Variants in REL observed in about 807,000 individuals in gnomAD.
REL encodes REL proto-oncogene, NF-kB subunit.
Under a neutral mutation model 45.9 loss-of-function variants are expected in REL, and 15 were observed. The ratio of observed to expected loss-of-function variants is 0.33; its 90% CI spans 0.22 to 0.50. REL has a LOEUF of 0.50. Ranked by LOEUF, REL falls within the 20% of genes least tolerant of loss-of-function variation. REL has a pLI of 0.98. For synonymous variants in REL, 239 were observed against 242.1 expected, an observed-to-expected ratio of 0.99 and a Z score of 0.12; for missense variants, 601 against 715.2, an observed-to-expected ratio of 0.84 and a Z score of 1.82.
intron 7 of REL, among the ~76,000 whole-genome samples, chr2:60,919,248 T>C (rs749067554): frequency 4.9e-4 from 74 of 152,212 alleles, no homozygotes; most frequent in Non-Finnish European, 7.5e-4. Flanking sequence ...TTTTGGGTTT[T>C]TTTTGAGACA....
At chr2:60,918,817 G>C (rs1247717153) in intron 7 of REL, among the ~76,000 whole-genome samples, 2 of 152,104 alleles carry the variant, frequency 1.3e-5, no homozygotes, top group South Asian at 2.1e-4. Flanking sequence ...TTTTGAGACA[G>C]AGTCTCACTG....
chr2:60,900,764 C>T (rs1016630726), intron 3 of REL: 3 of 417,408 alleles, frequency 7.2e-6, no homozygotes, highest in Non-Finnish European at 8.5e-6. Flanking sequence ...CTCAGGTGAT[C>T]CACCTGCCTT....
In REL at chr2:60,920,565, T is replaced by C. The variant is rs1167373905; in HGVS notation, c.923-9T>C. The C allele has an allele frequency of 6.3e-7, 1 of 1,577,154 alleles. No individual in the cohort carries two copies. Among genetic ancestry groups the C allele is most frequent in the Non-Finnish European group, 8.7e-7 (1 of 1,149,066 alleles). ...GACATTTAATAATGGAAAAACTTTA[T>C]CCTAACAGTTAATTTTCCTGAGAGA... On this transcript the variant is annotated splice_polypyrimidine_tract_variant and intron_variant, in intron 8 of 9. Coordinates refer to ENST00000394479, the MANE Select transcript of REL (RefSeq NM_001291746.2).
At chr2:60,916,313 C>A (rs1265368470) in intron 4 of REL, among the ~76,000 whole-genome samples, 1 of 152,168 alleles carries the variant, frequency 6.6e-6, no homozygotes, top group Non-Finnish European at 1.5e-5. Flanking sequence ...ACTCAGGAGG[C>A]TGAGATGGGA....
intron 5 of REL, among the ~76,000 whole-genome samples, chr2:60,917,680 CTGTGTGTGTGTGTGTG>C (rs34038794): frequency 3.5e-5 from 5 of 142,254 alleles, no homozygotes; most frequent in Admixed American, 2.8e-4. Context: ...CCCCAAAATA[CTGTGTGTGTGTGTGTG>C]TGTGTGTGTG....
rs760460117 is a variant in REL, at chr2:60,922,379, T to G, written c.1608T>G (p.Ser536Arg). 1 of 1,614,148 alleles carries G rather than the reference T, an allele frequency of 6.2e-7. No homozygotes were observed. The highest frequency in any genetic ancestry group is 8.5e-7 in the Non-Finnish European group (1 of 1,180,010). The change falls in exon 10 of 10, where the codon AGT becomes AGG. Residue 536 changes from serine (S) to arginine (R), a missense_variant. Transcript: ENST00000394479. ...ATGCATTTGAGGGATCTGACTTCAG[T>G]TGTGCAGATAACAGCATGATAAATG... ...QSDAFEGSDF[S>R]CADNSMINES... is the part of the protein sequence containing the mutation.
chr2:60,907,995 T>C (rs1673709535), intron 4 of REL, among the ~76,000 whole-genome samples: 1 of 152,000 alleles, frequency 6.6e-6, no homozygotes, highest in African/African-American at 2.4e-5. Flanking sequence ...CCCCGCCTTA[T>C]TTGTACTTTT....
intron 1 of REL, among the ~76,000 whole-genome samples, chr2:60,887,243 A>G (rs1573311149): frequency 1.3e-5 from 2 of 152,318 alleles, no homozygotes; most frequent in Non-Finnish European, 2.9e-5. Flanking sequence ...TAAAAATCAT[A>G]AACACAGATA....
In REL at chr2:60,920,094, C is replaced by T. The variant is rs1325633468; in HGVS notation, c.907C>T (p.Leu303=). 5 of 1,610,550 alleles carry T rather than the reference C, an allele frequency of 3.1e-6. No homozygotes were observed. The South Asian group carries it at 4.4e-5, about 14-fold the overall frequency. The change falls in exon 8 of 10, where the codon CTG becomes TTG. Residue 303 remains leucine (L), a synonymous_variant. Transcript: ENST00000394479. Reference sequence around the variant, plus strand: ...AAAGACAACTCTGCTTTTCCAGAAACTGTGCCAGGATCACGGTAAGAATAG... The same window carrying T: ...AAAGACAACTCTGCTTTTCCAGAAATTGTGCCAGGATCACGGTAAGAATAG... ...KQKTTLLFQK[L]CQDHVNFPER... is the part of the protein sequence containing the mutation.
chr2:60,921,528 A>T (rs544738014), intron 9 of REL, among the ~76,000 whole-genome samples: 1 of 152,320 alleles, frequency 6.6e-6, no homozygotes, highest in African/African-American at 2.4e-5. Context: ...ATGCCAAAGT[A>T]ACTTGCCAAA....
Position 60,912,633 on chromosome 2 carries a change from G to C in REL, c.395-4244G>C, listed in dbSNP as rs151194409. 3.3e-3 allele frequency among the ~76,000 whole-genome samples: 499 copies of C among 152,128 alleles called. 6 individuals are homozygous for C. The highest frequency in any genetic ancestry group is 0.012 in the African/African-American group (478 of 41,510). ...AGAAATAAATCATTTCCAAAAGAGA[G>C]ATTTCATTTTTGCCCAAAATCTTTC... On this transcript the variant is annotated intron_variant, in intron 4 of 9. Transcript: ENST00000394479.
At chr2:60,910,050 C>T (rs1459996471) in intron 4 of REL, among the ~76,000 whole-genome samples, 1 of 152,092 alleles carries the variant, frequency 6.6e-6, no homozygotes, top group Non-Finnish European at 1.5e-5. Flanking sequence ...TTAATTCCTG[C>T]TTATGAAAAA....
chr2:60,905,157 C>T (rs577000470), intron 4 of REL, among the ~76,000 whole-genome samples: 12 of 152,264 alleles, frequency 7.9e-5, no homozygotes, highest in South Asian at 6.2e-4. Flanking sequence ...TGCAGTGGCA[C>T]GATCTCGGCT....
chr2:60,896,983 G>A (rs1460937100), intron 3 of REL, among the ~76,000 whole-genome samples: 1 of 152,140 alleles, frequency 6.6e-6, no homozygotes, highest in African/African-American at 2.4e-5. Flanking sequence ...ATCTATAGAA[G>A]TGATGCAGTA....
chr2:60,881,929 G>A (rs2103907555), intron 1 of REL, 79 bp downstream of exon 1: 5 of 1,047,438 alleles, frequency 4.8e-6, no homozygotes, highest in Middle Eastern at 2.2e-4. Context: ...TGAGTTTAGG[G>A]AGCTCAGTTT....
At position 60,927,705 on chromosome 2, in the gene REL, T is replaced by G. The variant is rs945495653; in HGVS notation, c.*5170T>G. 4.4e-6 allele frequency: 1 copy of G among 229,154 alleles called. No homozygotes were observed. The highest frequency in any genetic ancestry group is 2.2e-5 in the African/African-American group (1 of 45,098). The allele number at this position is 229,154 out of a possible 1,614,324, so 14.2% of individuals were successfully genotyped here. ...ACAAAAACTCTTGCTCTCAAAGATG[T>G]CAGTCTTTTTCTTTGCAAGGATAAC... On this transcript the variant is annotated 3_prime_UTR_variant, in exon 10 of 10. Transcript: ENST00000394479.
At chr2:60,921,060 T>C (rs1381037961) in intron 9 of REL, among the ~76,000 whole-genome samples, 2 of 151,976 alleles carry the variant, frequency 1.3e-5, no homozygotes, top group East Asian at 3.8e-4. Context: ...TGTATATAGC[T>C]CACAAAGCCT....
chr2:60,899,906 C>G (rs1408559502), intron 3 of REL: 1 of 152,290 alleles, frequency 6.6e-6, no homozygotes, highest in Non-Finnish European at 1.5e-5. Context: ...AATACAAAAA[C>G]ATTTTAGTAA....
At chr2:60,906,062 T>C (rs1673639536) in intron 4 of REL, among the ~76,000 whole-genome samples, 1 of 152,134 alleles carries the variant, frequency 6.6e-6, no homozygotes, top group South Asian at 2.1e-4. Flanking sequence ...TCTTAGATGG[T>C]GGCAGCAAGA....
Sources: gnomAD v4.1 joint callset for allele counts (sites outside exome capture counted in the v4.1 genomes callset) on GRCh38, gnomAD v4.1.1 for gene constraint, MANE v1.5 for transcripts, NCBI Gene and HGNC (gene_info 2026-07-23, HGNC 2026-07-21) for gene names.